CNTN2: variants seen among roughly 807,000 people sequenced by gnomAD.
CNTN2 encodes the protein contactin-2.
Under a neutral mutation model 117.5 loss-of-function variants are expected in CNTN2, and 53 were observed. The observed-to-expected ratio is 0.45, with a 90% CI of 0.36 to 0.57. The LOEUF is 0.57. Ranked by LOEUF, CNTN2 falls within the 20% of genes least tolerant of loss-of-function variation. CNTN2 has a pLI of 0.00. For missense variants in CNTN2, 1,106 were observed against 1,404.3 expected, an observed-to-expected ratio of 0.79 and a Z score of 3.39; for synonymous variants, 530 against 561.7, an observed-to-expected ratio of 0.94 and a Z score of 0.80.
chr1:205,047,449 G>T (rs2096443514), intron 1 of CNTN2, among the ~76,000 whole-genome samples: 1 of 152,146 alleles, frequency 6.6e-6, no homozygotes, highest in South Asian at 2.1e-4. Flanking sequence ...CAAAGGAAAA[G>T]GTACTGATCT....
chr1:205,060,715 C>CAAAAAAAAAAAAA (rs34919627), intron 7 of CNTN2: 1 of 96,392 alleles, frequency 1.0e-5, no homozygotes. Flanking sequence ...GACTCCGTCT[C>CAAAAAAAAAAAAA]AAAAAAAAAA....
intron 1 of CNTN2, among the ~76,000 whole-genome samples, chr1:205,045,391 G>A (rs2096439793): frequency 1.3e-5 from 2 of 152,146 alleles, no homozygotes; most frequent in African/African-American, 4.8e-5. Flanking sequence ...ATGTGGGATG[G>A]GCCTCCGAGG....
rs938600950 is a variant in CNTN2, at chr1:205,058,737, G to A, written c.487+74G>A. 4 of 1,179,588 alleles carry A rather than the reference G, an allele frequency of 3.4e-6. No individual in the cohort carries two copies. The highest frequency in any genetic ancestry group is 2.3e-5 in the Admixed American group (1 of 43,936). 73.1% of individuals were successfully genotyped at this position (1,179,588 alleles called of 1,614,324 possible). A position where few individuals can be genotyped will look rare whatever the true frequency, so the allele number is the denominator to read the frequency against. On this transcript the variant is annotated intron_variant, in intron 5 of 22. Transcript: ENST00000331830. This position sits in a 1 kb window ranked among gnomAD's most constrained non-coding sequence, Gnocchi z 4.3. ...CCAGATGCTTGGCAGAGGAAGGATG[G>A]AATAAAAGGAGACCCCTGGAAATGA...
intron 1 of CNTN2, among the ~76,000 whole-genome samples, chr1:205,047,713 G>A (rs774518334): frequency 5.3e-5 from 8 of 152,240 alleles, no homozygotes; most frequent in African/African-American, 1.4e-4. Flanking sequence ...TATGAGTGCC[G>A]CCTGGACGTT....
chr1:205,046,926 G>A (rs1363571675), intron 1 of CNTN2, among the ~76,000 whole-genome samples: 1 of 152,122 alleles, frequency 6.6e-6, no homozygotes, highest in African/African-American at 2.4e-5. Flanking sequence ...CTACTTTAAA[G>A]GGTCTCTCTG....
Position 205,058,793 on chromosome 1 carries a change from A to G in CNTN2, c.487+130A>G. 1 of 707,248 alleles carries G rather than the reference A, an allele frequency of 1.4e-6. No homozygotes were observed. Among genetic ancestry groups the G allele is most frequent in the South Asian group, 1.9e-5 (1 of 52,752 alleles). The allele number at this position is 707,248 out of a possible 1,614,324, so 43.8% of individuals were successfully genotyped here. A position where few individuals can be genotyped will look rare whatever the true frequency, so the allele number is the denominator to read the frequency against. ...AGAAGCACCCATCCCTGGGACCCTA[A>G]CTTTAAATGATCTGTGTTTCCTTTA... On this transcript the variant is annotated intron_variant, in intron 5 of 22. Transcript: ENST00000331830. This position sits in a 1 kb window ranked among gnomAD's most constrained non-coding sequence, Gnocchi z 4.3.
chr1:205,062,757 GC>G, intron 10 of CNTN2, 188 bp downstream of exon 10: 1 of 561,160 alleles, frequency 1.8e-6, no homozygotes, highest in Non-Finnish European at 2.8e-6. Context: ...GTTGACAGCT[GC>G]CAGAGGGCAG....
intron 9 of CNTN2, 96 bp from the exon 10 acceptor site, chr1:205,062,344 C>CGA: frequency 1.4e-6 from 2 of 1,441,656 alleles, no homozygotes; most frequent in Non-Finnish European, 1.9e-6. Flanking sequence ...TAGGGATTAT[C>CGA]AGCCTAGAGT....
chr1:205,073,192 G>T lies in CNTN2; in HGVS notation c.2969G>T (p.Gly990Val). 6.2e-7 allele frequency: 1 copy of T among 1,614,106 alleles called. No homozygotes were observed. The highest frequency in any genetic ancestry group is 8.5e-7 in the Non-Finnish European group (1 of 1,180,014). ...GTACAAATTCGGACCACAGGGCCCG[G>T]AGGGGATGGGATCCCTGCAGAAGTC... is the stretch of plus-strand genomic sequence containing the variant. ...ALVQIRTTGPGGDGIPAEVHI... is the reference protein window; with the variant it reads ...ALVQIRTTGPVGDGIPAEVHI... The change falls in exon 22 of 23, where the codon GGA becomes GTA. Residue 990 changes from glycine to valine, a missense_variant. By Grantham distance (109) the Gly-to-Val change is moderately radical (BLOSUM62 -3). Coordinates refer to ENST00000331830, the MANE Select transcript of CNTN2 (RefSeq NM_005076.5). The surrounding 1 kb of genome is among the most constrained non-coding windows in gnomAD (Gnocchi z 6.3).
rs1653977908 is a variant in CNTN2 at position 205,061,466 on chromosome 1, C to T, written c.973+46C>T. ...TCTCCGCCCCTCCCGACCCCCCTTC[C>T]CGCCTTCACCCTTGTCCCCAAGGAA... On this transcript the variant is annotated intron_variant, in intron 8 of 22. Transcript: ENST00000331830. The surrounding 1 kb of genome is among the most constrained non-coding windows in gnomAD (Gnocchi z 4.8). 1.3e-6 allele frequency: 2 copies of T among 1,511,108 alleles called. No individual in the cohort carries two copies. Among genetic ancestry groups the T allele is most frequent in the East Asian group, 2.4e-5 (1 of 41,526 alleles). 93.6% of individuals were successfully genotyped at this position (1,511,108 alleles called of 1,614,324 possible).
intron 2 of CNTN2, among the ~76,000 whole-genome samples, chr1:205,054,423 C>T (rs1458209254): frequency 6.6e-6 from 1 of 152,200 alleles, no homozygotes; most frequent in Non-Finnish European, 1.5e-5. Flanking sequence ...CCCCAGGCCT[C>T]GCTACCTGTC....
At chr1:205,067,551 C>T (rs1654358502) in intron 16 of CNTN2, 3 of 273,194 alleles carry the variant, frequency 1.1e-5, no homozygotes, top group Non-Finnish European at 2.1e-5. Context: ...AAGGAAGAGT[C>T]ACATTGACAG....
chr1:205,064,885 C>A, intron 12 of CNTN2, 135 bp downstream of exon 12: 1 of 1,361,450 alleles, frequency 7.3e-7, no homozygotes, highest in Non-Finnish European at 1.0e-6. Flanking sequence ...TGCTTGGGAC[C>A]ACCCCCTGGC....
intron 1 of CNTN2, among the ~76,000 whole-genome samples, chr1:205,050,278 AGT>A (rs3073631): frequency 0.084 from 12,242 of 145,358 alleles, 1,443 homozygotes; most frequent in African/African-American, 0.27. Flanking sequence ...TAGAGCTCTG[AGT>A]GTGTGTGTGT....
intron 10 of CNTN2, among the ~76,000 whole-genome samples, chr1:205,063,973 G>A (rs1654126147): frequency 6.6e-6 from 1 of 152,128 alleles, no homozygotes; most frequent in Admixed American, 6.5e-5. Flanking sequence ...GATGCGATTG[G>A]AAAGGTGGAG....
In CNTN2 at chr1:205,059,006, C is replaced by G. The variant is rs1420454972; in HGVS notation, c.488-78C>G. 2 of 1,330,866 alleles carry G rather than the reference C, an allele frequency of 1.5e-6. No homozygotes were observed. Among genetic ancestry groups the G allele is most frequent in the South Asian group, 1.3e-5 (1 of 79,756 alleles). The allele number at this position is 1,330,866 out of a possible 1,614,324, so 82.4% of individuals were successfully genotyped here. A position where few individuals can be genotyped will look rare whatever the true frequency, so the allele number is the denominator to read the frequency against. On this transcript the variant is annotated intron_variant, in intron 5 of 22. Coordinates refer to ENST00000331830, the MANE Select transcript of CNTN2 (RefSeq NM_005076.5). This position sits in a 1 kb window ranked among gnomAD's most constrained non-coding sequence, Gnocchi z 5.6. ...TCAGGACAGGGCTTGCAGAACCGCA[C>G]CAGCATGCTGGGGTCCCACCCAGAG...
chr1:205,048,924 T>C lies in CNTN2; in HGVS notation c.-86-4176T>C, dbSNP rs1574628955. On this transcript the variant is annotated intron_variant, in intron 1 of 22. Transcript: ENST00000331830. The surrounding 1 kb of genome is among the most constrained non-coding windows in gnomAD (Gnocchi z 4.1). ...CCCAGACTCTGCGTGTGTGTGTGTG[T>C]GTGTGTGTGTGTGTGTGTGTGTGTG... Among the ~76,000 whole-genome samples the C allele has an allele frequency of 6.9e-6, 1 of 145,342 alleles. No individual in the cohort carries two copies.
chr1:205,067,101 A>T lies in CNTN2; in HGVS notation c.1976A>T (p.Asn659Ile). 1 of 1,608,166 alleles carries T rather than the reference A, an allele frequency of 6.2e-7. No homozygotes were observed. Among genetic ancestry groups the T allele is most frequent in the East Asian group, 2.2e-5 (1 of 44,846 alleles). ...PAGKWKQVRT[N>I]PANIEGNAET... is the part of the protein sequence containing the mutation. ...ATATGGACTCCCTGGTGCCTTGCAGATCCTGCAAACATCGAGGGCAATGCC... is the reference window on the plus strand; with the variant it reads ...ATATGGACTCCCTGGTGCCTTGCAGTTCCTGCAAACATCGAGGGCAATGCC... The change falls in exon 16 of 23, where the codon AAT (asparagine) becomes ATT (isoleucine). Residue 659 changes from asparagine (N) to isoleucine (I), a missense_variant and splice_region_variant. Transcript: ENST00000331830.
At position 205,066,301 on chromosome 1, in the gene CNTN2, C is replaced by A. The variant is rs112159686; in HGVS notation, c.1817-140C>A. On this transcript the variant is annotated intron_variant, in intron 14 of 22. Coordinates refer to ENST00000331830, the MANE Select transcript of CNTN2 (RefSeq NM_005076.5). ...CAACTGCCCACACCCCTTGCCCGCC[C>A]TCCCGCCTGGGTGTGTGTTCACTGC... 2.4e-3 allele frequency: 2,464 copies of A among 1,031,184 alleles called. 42 individuals carry two copies. The African/African-American group carries it at 0.036, about 15-fold the overall frequency. 63.9% of individuals were successfully genotyped at this position (1,031,184 alleles called of 1,614,324 possible). A position where few individuals can be genotyped will look rare whatever the true frequency, so the allele number is the denominator to read the frequency against.
Sources: gnomAD v4.1 joint callset for allele counts (sites outside exome capture counted in the v4.1 genomes callset) on GRCh38, gnomAD v4.1.1 for gene constraint, Gnocchi (gnomAD v3.1) non-coding constraint, MANE v1.5 for transcripts, NCBI Gene and HGNC (gene_info 2026-07-23, HGNC 2026-07-21) for gene names.